LARGE1: variants seen among roughly 807,000 people sequenced by gnomAD.
LARGE1 encodes the protein LARGE xylosyl- and glucuronyltransferase 1.
LARGE1 carries 43 observed loss-of-function variants against 87.6 expected under a neutral mutation model. That is an observed-to-expected ratio of 0.49 (90% CI 0.38 to 0.63). The LOEUF (loss-of-function observed/expected upper bound fraction) is 0.63. LARGE1 is among the 30% of genes least tolerant of loss of function. LARGE1 has a pLI of 0.00. For synonymous variants in LARGE1, 434 were observed against 394.6 expected, an observed-to-expected ratio of 1.10 and a Z score of -1.18; for missense variants, 802 against 1,000.2, an observed-to-expected ratio of 0.80 and a Z score of 2.67.
intron 11 of LARGE1, among the ~76,000 whole-genome samples, chr22:33,219,522 C>T (rs76284020): frequency 0.022 from 3,304 of 152,236 alleles, 98 homozygotes; most frequent in African/African-American, 0.075. Context: ...ATATTCAGCA[C>T]AGTGTTTTAC....
At chr22:33,401,416 G>C (rs1188133181) in intron 7 of LARGE1, among the ~76,000 whole-genome samples, 1 of 152,108 alleles carries the variant, frequency 6.6e-6, no homozygotes, top group African/African-American at 2.4e-5. Context: ...AGACATCCTC[G>C]TGTGCTGTGA....
At chr22:33,772,708 T>C (rs188359185) in intron 1 of LARGE1, among the ~76,000 whole-genome samples, 1 of 151,990 alleles carries the variant, frequency 6.6e-6, no homozygotes, top group African/African-American at 2.4e-5. Flanking sequence ...AATTTCTAAA[T>C]TAAACAATTA....
intron 6 of LARGE1, among the ~76,000 whole-genome samples, chr22:33,556,942 G>A (rs780338663): frequency 2.4e-4 from 37 of 152,262 alleles, no homozygotes; most frequent in Non-Finnish European, 4.6e-4. Context: ...GGAGGCAGAG[G>A]TTGCAGTGAG....
intron 3 of LARGE1, among the ~76,000 whole-genome samples, chr22:33,644,810 A>T (rs533055429): frequency 6.6e-6 from 1 of 152,316 alleles, no homozygotes; most frequent in South Asian, 2.1e-4. Context: ...TCCCATTCAC[A>T]ATTGCTACAA....
intron 2 of LARGE1, among the ~76,000 whole-genome samples, chr22:33,688,551 A>G (rs2082008020): frequency 6.6e-6 from 1 of 152,050 alleles, no homozygotes; most frequent in Admixed American, 6.6e-5. Context: ...GGGTTTCTCC[A>G]TGTTGTTCAT....
intron 6 of LARGE1, among the ~76,000 whole-genome samples, chr22:33,544,294 C>T (rs992072408): frequency 6.6e-6 from 1 of 152,156 alleles, no homozygotes; most frequent in African/African-American, 2.4e-5. Flanking sequence ...CCTAGCAAAC[C>T]AGTGAATTTA....
chr22:33,284,519 G>T (rs1458934297), intron 12 of LARGE1, among the ~76,000 whole-genome samples: 1 of 151,962 alleles, frequency 6.6e-6, no homozygotes, highest in Non-Finnish European at 1.5e-5. Flanking sequence ...TGGTTACTTG[G>T]AAAGGGAGAA....
intron 2 of LARGE1, among the ~76,000 whole-genome samples, chr22:33,681,799 A>T (rs987842540): frequency 6.6e-6 from 1 of 152,234 alleles, no homozygotes; most frequent in Non-Finnish European, 1.5e-5. Flanking sequence ...TTATCTTTTT[A>T]AAAATGTACA....
At chr22:33,408,330 G>A (rs2066177795) in intron 7 of LARGE1, among the ~76,000 whole-genome samples, 1 of 152,112 alleles carries the variant, frequency 6.6e-6, no homozygotes, top group South Asian at 2.1e-4. Flanking sequence ...GTACATAATT[G>A]TTTTGAGTAA....
chr22:33,805,827 T>C (rs2086291967), intron 1 of LARGE1, among the ~76,000 whole-genome samples: 1 of 152,162 alleles, frequency 6.6e-6, no homozygotes, highest in South Asian at 2.1e-4. Context: ...CTATTTCTTC[T>C]CTTCCAATTG....
chr22:33,622,281 C>T (rs1182857250), intron 4 of LARGE1, among the ~76,000 whole-genome samples: 1 of 152,136 alleles, frequency 6.6e-6, no homozygotes, highest in Admixed American at 6.5e-5. Context: ...TGAGTTCTCA[C>T]CAGATCTGAT....
At chr22:33,097,324 C>A in the LARGE1 span, among the ~76,000 whole-genome samples, 2 of 152,202 alleles carry the variant, frequency 1.3e-5, no homozygotes, top group Non-Finnish European at 2.9e-5. Context: ...CTCCTTCCCC[C>A]AGAATGGCAG....
chr22:33,124,349 A>AAGG, the LARGE1 span, among the ~76,000 whole-genome samples: 118 of 37,280 alleles, frequency 3.2e-3, no homozygotes, highest in African/African-American at 0.016. Context: ...AGAGACAAAG[A>AAGG]AAGGAAAGAA....
Position 33,623,448 on chromosome 22 carries a change from C to T in LARGE1, c.491+2796G>A, listed in dbSNP as rs547832027. On this transcript the variant is annotated intron_variant, in intron 4 of 14. Transcript: ENST00000397394. ...TGAAATCATAATTCCAACTGGACAGCGCTATGAGGAAGAACTGACAGCCTC... is the reference window on the plus strand; with the variant it reads ...TGAAATCATAATTCCAACTGGACAGTGCTATGAGGAAGAACTGACAGCCTC... Among the ~76,000 whole-genome samples the T allele has an allele frequency of 3.4e-4, 51 of 152,192 alleles. 1 individual carries two copies. The South Asian group carries it at 8.5e-3, about 25-fold the overall frequency.
chr22:33,776,496 A>C (rs145516883), intron 1 of LARGE1, among the ~76,000 whole-genome samples: 273 of 152,332 alleles, frequency 1.8e-3, no homozygotes, highest in African/African-American at 6.1e-3. Context: ...AGCTTCAAGA[A>C]GGCTGGTTTT....
intron 9 of LARGE1, among the ~76,000 whole-genome samples, chr22:33,366,183 C>T (rs1208268079): frequency 1.3e-4 from 20 of 152,178 alleles, no homozygotes. Context: ...TGTGGATAAT[C>T]AGGTGTCTCA....
chr22:33,414,015 C>T (rs1171620251), intron 7 of LARGE1, among the ~76,000 whole-genome samples: 1 of 152,144 alleles, frequency 6.6e-6, no homozygotes, highest in Non-Finnish European at 1.5e-5. Context: ...GGTACAGATA[C>T]TGCTTTGAGA....
At chr22:33,110,701 A>G in the LARGE1 span, 11 of 151,690 alleles carry the variant, frequency 7.3e-5, no homozygotes, top group East Asian at 1.9e-3. Flanking sequence ...CCAAGTCCAA[A>G]CTGGGGCTAC....
chr22:33,219,990 A>C (rs1441639046), intron 11 of LARGE1, among the ~76,000 whole-genome samples: 1 of 152,202 alleles, frequency 6.6e-6, no homozygotes, highest in Non-Finnish European at 1.5e-5. Flanking sequence ...AAAGAAAAAT[A>C]CTTTCTCATA....
Sources: allele counts gnomAD v4.1 joint callset (sites outside exome capture counted in the v4.1 genomes callset), GRCh38; gene constraint gnomAD v4.1.1; transcripts MANE v1.5; gene names NCBI Gene and HGNC (gene_info 2026-07-23, HGNC 2026-07-21).